Variants in PRTG observed in about 807,000 individuals in gnomAD.
PRTG encodes the protein immunoglobulin superfamily, DCC subclass, member 5.
In PRTG, 67 loss-of-function variants were observed where a neutral mutation model predicts 122.5. That is an observed-to-expected ratio of 0.55 (90% CI 0.45 to 0.67). The LOEUF is 0.67. PRTG is among the 30% of genes least tolerant of loss of function. The probability of loss-of-function intolerance (pLI) is 0.00; values close to 1 mark genes in which losing one functional copy is unlikely to be tolerated. For synonymous variants in PRTG, 554 were observed against 501.1 expected (o/e 1.11, Z -1.41); for missense variants, 1,435 against 1,415.4 (o/e 1.01, Z -0.22).
intron 11 of PRTG, among the ~76,000 whole-genome samples, chr15:55,668,872 A>G (rs2141786986): frequency 6.6e-6 from 1 of 152,312 alleles, no homozygotes; most frequent in South Asian, 2.1e-4. Context: ...TTCTAAAATA[A>G]CTTTCATTAC....
intron 2 of PRTG, among the ~76,000 whole-genome samples, chr15:55,688,532 T>C (rs1455626122): frequency 1.3e-5 from 2 of 152,162 alleles, no homozygotes; most frequent in African/African-American, 4.8e-5. Context: ...CATCTTCGCC[T>C]GGAGTTTATG....
intron 18 of PRTG, among the ~76,000 whole-genome samples, chr15:55,623,385 C>A (rs1238951366): frequency 1.3e-5 from 2 of 152,172 alleles, no homozygotes; most frequent in African/African-American, 4.8e-5. Flanking sequence ...CTGACCAACA[C>A]GGTGAAACCC....
chr15:55,653,904 T>A (rs2059366660), intron 11 of PRTG, among the ~76,000 whole-genome samples: 1 of 152,268 alleles, frequency 6.6e-6, no homozygotes, highest in South Asian at 2.1e-4. Flanking sequence ...AATTTCATTT[T>A]TAATTGTCCA....
chr15:55,734,624 C>T lies in PRTG; in HGVS notation c.397+5758G>A, dbSNP rs560894451. 2.3e-4 allele frequency among the ~76,000 whole-genome samples: 35 copies of T among 151,288 alleles called. 1 individual carries two copies. The highest frequency in any genetic ancestry group is 2.2e-4 in the African/African-American group (9 of 41,284). On this transcript the variant is annotated intron_variant, in intron 2 of 19. Transcript: ENST00000389286. ...ATAACATATATATGTATTATAAACA[C>T]GAAAAAAGGGCAAATCCTCTGGAAA...
chr15:55,635,206 C>T (rs2059251253), intron 15 of PRTG, among the ~76,000 whole-genome samples: 1 of 152,166 alleles, frequency 6.6e-6, no homozygotes, highest in African/African-American at 2.4e-5. Flanking sequence ...ATTCTCCTGT[C>T]TCAGCCTCCC....
At chr15:55,677,725 C>A in intron 8 of PRTG, 72 bp downstream of exon 8, 1 of 1,387,584 alleles carries the variant, frequency 7.2e-7, no homozygotes, top group South Asian at 1.2e-5. Context: ...TTATGTAAGG[C>A]ATTATTCGTA....
At chr15:55,694,156 G>A (rs2059619821) in intron 2 of PRTG, among the ~76,000 whole-genome samples, 2 of 152,188 alleles carry the variant, frequency 1.3e-5, no homozygotes, top group South Asian at 4.2e-4. Context: ...AAAGAGATAG[G>A]TAACTAAGTT....
chr15:55,628,990 C>T lies in PRTG; in HGVS notation c.2638G>A (p.Ala880Thr), dbSNP rs767047143. Residue 880 changes from alanine to threonine, a missense_variant, in exon 16 of 20, where the codon GCT (alanine) becomes ACT (threonine). Coordinates refer to ENST00000389286, the MANE Select transcript of PRTG (RefSeq NM_173814.6). ...CCTGCTACCAAGTTTTCTAGCAAAG[C>T]CATGGTTATTGCCCCTAGAAATACA... ...VLHREGAITMALLENLVAGNV... is the reference protein window; with the variant it reads ...VLHREGAITMTLLENLVAGNV... The T allele has an allele frequency of 3.1e-6, 5 of 1,609,618 alleles. No individual in the cohort carries two copies. Among genetic ancestry groups the T allele is most frequent in the Non-Finnish European group, 4.2e-6 (5 of 1,177,090 alleles).
intron 4 of PRTG, 63 bp downstream of exon 4, chr15:55,682,301 A>G: frequency 7.5e-7 from 1 of 1,326,938 alleles, no homozygotes; most frequent in Non-Finnish European, 1.0e-6. Context: ...ACAGCAGAGG[A>G]GAAGAAGTAA....
chr15:55,690,416 A>G (rs2059594283), intron 2 of PRTG, among the ~76,000 whole-genome samples: 1 of 152,324 alleles, frequency 6.6e-6, no homozygotes, highest in East Asian at 1.9e-4. Context: ...TAATTAAATT[A>G]CTATCCAAGT....
intron 2 of PRTG, among the ~76,000 whole-genome samples, chr15:55,706,576 C>G (rs2030127780): frequency 1.3e-5 from 1 of 79,984 alleles, no homozygotes; most frequent in Admixed American, 1.8e-4. Flanking sequence ...GAGACCTTGT[C>G]TCTACCAAAA....
rs190951723 is a variant in PRTG, at chr15:55,626,595, A to G, written c.2927+413T>C. Among the ~76,000 whole-genome samples, 217 of 101,054 alleles carry G rather than the reference A, an allele frequency of 2.1e-3. 4 individuals are homozygous for G. Among genetic ancestry groups the G allele is most frequent in the Admixed American group, 2.0e-3 (22 of 11,090 alleles). 66.3% of individuals were successfully genotyped at this position (101,054 alleles called of 152,430 possible). A position where few individuals can be genotyped will look rare whatever the true frequency, so the allele number is the denominator to read the frequency against. On this transcript the variant is annotated intron_variant, in intron 17 of 19. Transcript: ENST00000389286. ...GAAACCCCATCTCTACTAAAAATAC[A>G]AAAAAAAAAAAAATTAGCTGGGCGT...
rs531746796 is a variant in PRTG, at chr15:55,730,879, T to C, written c.397+9503A>G. ...TAGCTGTGCCCTTGAGAAAGGCACT[T>C]ACCCCCTCCCAGCTTCCTATTCCTT... On this transcript the variant is annotated intron_variant, in intron 2 of 19. Coordinates refer to ENST00000389286, the MANE Select transcript of PRTG (RefSeq NM_173814.6). Among the ~76,000 whole-genome samples, 7 of 152,290 alleles carry C rather than the reference T, an allele frequency of 4.6e-5. No homozygotes were observed. In the South Asian group the frequency reaches 1.5e-3, roughly 32 times the overall value.
At chr15:55,693,862 T>C (rs989825701) in intron 2 of PRTG, among the ~76,000 whole-genome samples, 3 of 152,312 alleles carry the variant, frequency 2.0e-5, no homozygotes, top group African/African-American at 7.2e-5. Context: ...AATACACTGG[T>C]TTTATTTTCA....
intron 18 of PRTG, among the ~76,000 whole-genome samples, chr15:55,621,036 T>C (rs966578362): frequency 1.3e-5 from 2 of 152,138 alleles, no homozygotes; most frequent in African/African-American, 4.8e-5. Flanking sequence ...AAAATGATCA[T>C]AGATGTGATC....
Position 55,638,608 on chromosome 15 carries a change from T to C in PRTG, c.2393A>G (p.His798Arg), listed in dbSNP as rs752607739. ...CCAAGGACTGGAAAGCTGATCCACA[T>C]GTAATCGAACGGCAAATTCGTATTT... ...NTKYEFAVRL[H>R]VDQLSSPWSP... is the part of the protein sequence containing the mutation. Residue 798 changes from histidine to arginine, a missense_variant, in exon 14 of 20, where the codon CAT (histidine) becomes CGT (arginine). His to Arg is a conservative substitution (Grantham distance 29, BLOSUM62 0). Coordinates refer to ENST00000389286, the MANE Select transcript of PRTG (RefSeq NM_173814.6). 3.5e-5 allele frequency: 56 copies of C among 1,613,610 alleles called. No individual in the cohort carries two copies. Among genetic ancestry groups the C allele is most frequent in the Non-Finnish European group, 4.7e-5 (55 of 1,179,602 alleles).
At chr15:55,658,288 ATGTT>A (rs1355717897) in intron 11 of PRTG, among the ~76,000 whole-genome samples, 1 of 151,958 alleles carries the variant, frequency 6.6e-6, no homozygotes, top group Non-Finnish European at 1.5e-5. Context: ...TTGCAGTTAA[ATGTT>A]TGTGCATGCG....
chr15:55,660,459 G>C (rs980842106), intron 11 of PRTG, among the ~76,000 whole-genome samples: 3 of 152,162 alleles, frequency 2.0e-5, no homozygotes, highest in African/African-American at 7.2e-5. Context: ...AGTGGTCTGA[G>C]GGCTGACGTG....
At chr15:55,669,309 T>C (rs1227763632) in intron 11 of PRTG, among the ~76,000 whole-genome samples, 4 of 152,160 alleles carry the variant, frequency 2.6e-5, no homozygotes, top group Non-Finnish European at 4.4e-5. Flanking sequence ...ACTTAGCAAA[T>C]CTAGCTCCAG....
Sources: gnomAD v4.1 joint callset for allele counts (sites outside exome capture counted in the v4.1 genomes callset) on GRCh38, gnomAD v4.1.1 for gene constraint, MANE v1.5 for transcripts, NCBI Gene and HGNC (gene_info 2026-07-23, HGNC 2026-07-21) for gene names.